ZNF608: variants seen among roughly 807,000 people sequenced by gnomAD.
ZNF608 encodes the protein zinc finger protein 608.
ZNF608 carries 12 observed loss-of-function variants against 109.0 expected under a neutral mutation model. The ratio of observed to expected loss-of-function variants is 0.11; its 90% CI spans 0.07 to 0.18. The LOEUF is 0.18. Among genes scored for constraint, ZNF608 ranks in the 10% least tolerant of loss-of-function variants. The pLI, the probability that ZNF608 is intolerant of heterozygous loss-of-function variation, is 1.00. For synonymous variants in ZNF608, 732 were observed against 717.4 expected (o/e 1.02, Z -0.33); for missense variants, 1,707 against 1,879.3 (o/e 0.91, Z 1.70).
At chr5:124,695,685 C>CT (rs112828110) in intron 3 of ZNF608, among the ~76,000 whole-genome samples, 23 of 152,000 alleles carry the variant, frequency 1.5e-4, no homozygotes, top group African/African-American at 5.1e-4. Flanking sequence ...GGAGGACCAC[C>CT]TGAGCCCAGG....
intron 9 of ZNF608, 104 bp from the exon 10 acceptor site, chr5:124,638,010 G>T (rs1750055476): frequency 2.4e-6 from 3 of 1,243,802 alleles, no homozygotes; most frequent in South Asian, 2.5e-5. Context: ...GAGTGCCATG[G>T]CTCAATCTCG....
intron 3 of ZNF608, among the ~76,000 whole-genome samples, chr5:124,662,256 T>C (rs1049872980): frequency 6.6e-6 from 1 of 152,230 alleles, no homozygotes. Context: ...TCTGACTTCT[T>C]TCTTGGATGA....
At chr5:124,643,718 A>G in intron 6 of ZNF608, 35 bp from the exon 7 acceptor site, 1 of 1,595,508 alleles carries the variant, frequency 6.3e-7, no homozygotes, top group East Asian at 2.2e-5. Flanking sequence ...ATCAAGTTAC[A>G]GGCTATATCT....
At chr5:124,664,984 G>A (rs1384814386) in intron 3 of ZNF608, among the ~76,000 whole-genome samples, 1 of 152,084 alleles carries the variant, frequency 6.6e-6, no homozygotes, top group African/African-American at 2.4e-5. Context: ...GACCAGCCTG[G>A]TCAACATAGT....
chr5:124,743,161 A>G (rs1749488660), intron 2 of ZNF608, among the ~76,000 whole-genome samples: 1 of 152,210 alleles, frequency 6.6e-6, no homozygotes, highest in Non-Finnish European at 1.5e-5. Context: ...GACTTGTACA[A>G]AGAAGGGGAG....
At chr5:124,713,878 T>C (rs1209361090) in intron 2 of ZNF608, among the ~76,000 whole-genome samples, 5 of 152,106 alleles carry the variant, frequency 3.3e-5, no homozygotes, top group African/African-American at 4.8e-5. Flanking sequence ...AGTAAACATA[T>C]AGATCCATCT....
At position 124,697,733 on chromosome 5, in the gene ZNF608, G is replaced by A. The variant is rs372941447; in HGVS notation, c.1162+3281C>T. On this transcript the variant is annotated intron_variant, in intron 3 of 9. Transcript: ENST00000513986. ...CTGACTAAAAGAATCCTCCTCTAAT[G>A]AGAAACTCCAAACACAAGAAACAAT... Among the ~76,000 whole-genome samples the A allele has an allele frequency of 1.5e-4, 23 of 152,248 alleles. No homozygotes were observed. In the East Asian group the frequency reaches 2.7e-3, roughly 18 times the overall value.
chr5:124,746,083 G>T (rs1242935121), intron 1 of ZNF608, 112 bp downstream of exon 1: 1 of 972,752 alleles, frequency 1.0e-6, no homozygotes, highest in Non-Finnish European at 1.2e-6. Flanking sequence ...TTGACAAAGA[G>T]CAGTTAAAAC....
At chr5:124,690,497 CCTT>C (rs1164989112) in intron 3 of ZNF608, among the ~76,000 whole-genome samples, 15 of 152,124 alleles carry the variant, frequency 9.9e-5, no homozygotes, top group Non-Finnish European at 1.9e-4. Flanking sequence ...AATTTTTGTA[CCTT>C]CTTCTCGATT....
Position 124,677,453 on chromosome 5 carries a change from G to A in ZNF608, c.1162+23561C>T, listed in dbSNP as rs1751991922. Among the ~76,000 whole-genome samples the A allele has an allele frequency of 2.0e-5, 3 of 152,308 alleles. No individual in the cohort carries two copies. In the South Asian group the frequency reaches 6.2e-4, roughly 32 times the overall value. ...TGACATAGGACACAGCACAGGGTCTGTAAGGAACACTGCAGCAACATTCGC... is the reference window on the plus strand; with the variant it reads ...TGACATAGGACACAGCACAGGGTCTATAAGGAACACTGCAGCAACATTCGC... On this transcript the variant is annotated intron_variant, in intron 3 of 9. Transcript: ENST00000513986.
intron 2 of ZNF608, among the ~76,000 whole-genome samples, chr5:124,721,711 G>A (rs1753911505): frequency 6.6e-6 from 1 of 151,804 alleles, no homozygotes; most frequent in African/African-American, 2.4e-5. Context: ...TGAGGCGGGT[G>A]GATCGTCTGA....
chr5:124,655,911 A>G (rs974763831), intron 3 of ZNF608, among the ~76,000 whole-genome samples: 10 of 152,244 alleles, frequency 6.6e-5, no homozygotes, highest in African/African-American at 2.2e-4. Context: ...ATGTACAACT[A>G]AGGTTGCTCA....
At chr5:124,665,388 A>G (rs1457861957) in intron 3 of ZNF608, among the ~76,000 whole-genome samples, 1 of 152,186 alleles carries the variant, frequency 6.6e-6, no homozygotes, top group Non-Finnish European at 1.5e-5. Flanking sequence ...CTTCAATCAC[A>G]TGAAATATTA....
intron 2 of ZNF608, chr5:124,734,474 A>G (rs1749052304): frequency 6.6e-6 from 1 of 152,120 alleles, no homozygotes; most frequent in South Asian, 2.1e-4. Flanking sequence ...ATACAGAACC[A>G]CCCCGAAGCC....
chr5:124,655,611 T>C (rs2149797271), intron 3 of ZNF608, among the ~76,000 whole-genome samples: 1 of 152,368 alleles, frequency 6.6e-6, no homozygotes, highest in Non-Finnish European at 1.5e-5. Context: ...GGTGACAAAA[T>C]GTCACAATAT....
chr5:124,718,295 C>T (rs1469214947), intron 2 of ZNF608, among the ~76,000 whole-genome samples: 9 of 152,102 alleles, frequency 5.9e-5, no homozygotes, highest in East Asian at 5.8e-4. Flanking sequence ...CTTTCACATG[C>T]GTTAAAAAGT....
chr5:124,649,422 G>A (rs556993111), intron 4 of ZNF608, among the ~76,000 whole-genome samples, 188 bp downstream of exon 4: 91 of 152,304 alleles, frequency 6.0e-4, no homozygotes, highest in Non-Finnish European at 1.1e-3. Context: ...GAAGGGGTGG[G>A]GAGCAGAGAT....
chr5:124,710,314 G>A (rs1276909963), intron 2 of ZNF608: 1 of 423,620 alleles, frequency 2.4e-6, no homozygotes, highest in South Asian at 1.7e-5. Context: ...TTCTTTTAGG[G>A]AATCTCACTT....
intron 2 of ZNF608, among the ~76,000 whole-genome samples, chr5:124,729,744 CA>C (rs1748806711): frequency 6.6e-6 from 1 of 151,946 alleles, no homozygotes; most frequent in African/African-American, 2.4e-5. Flanking sequence ...TGTTGTTTCC[CA>C]CACTCCCCCA....
Sources: gnomAD v4.1 joint callset for allele counts (sites outside exome capture counted in the v4.1 genomes callset) on GRCh38, gnomAD v4.1.1 for gene constraint, MANE v1.5 for transcripts, NCBI Gene and HGNC (gene_info 2026-07-23, HGNC 2026-07-21) for gene names.